The following ANKFY1 variants were observed in gnomAD, a reference collection of about 807,000 sequenced individuals.
ANKFY1 encodes ankyrin repeat and FYVE domain-containing protein 1.
In ANKFY1, 47 loss-of-function variants were observed where a neutral mutation model predicts 128.3. That is an observed-to-expected ratio of 0.37 (90% confidence interval 0.29 to 0.47). The LOEUF is 0.47. Among genes scored for constraint, ANKFY1 ranks in the 20% least tolerant of loss-of-function variants. The pLI is 1.00. For missense variants in ANKFY1, 1,222 were observed against 1,510.6 expected, an observed-to-expected ratio of 0.81 and a Z score of 3.17; for synonymous variants, 553 against 601.6, an observed-to-expected ratio of 0.92 and a Z score of 1.18.
At chr17:4,234,335 CT>C (rs1048769405) in intron 3 of ANKFY1, among the ~76,000 whole-genome samples, 1 of 152,034 alleles carries the variant, frequency 6.6e-6, no homozygotes, top group Non-Finnish European at 1.5e-5. Context: ...CTCTTTGCCC[CT>C]TTTTTTCCAA....
intron 17 of ANKFY1, 90 bp from the exon 18 acceptor site, chr17:4,179,147 G>A: frequency 7.1e-7 from 1 of 1,414,678 alleles, no homozygotes; most frequent in Non-Finnish European, 9.8e-7. Flanking sequence ...TCAAATTTCA[G>A]TTATGAGAAT....
chr17:4,223,557 C>T (rs370931791), intron 3 of ANKFY1: 31 of 1,235,626 alleles, frequency 2.5e-5, no homozygotes, highest in Middle Eastern at 3.8e-4. Context: ...TGGTTAATAA[C>T]GAGTTTTCTA....
chr17:4,225,988 C>T (rs2060418742), intron 3 of ANKFY1, among the ~76,000 whole-genome samples: 1 of 152,136 alleles, frequency 6.6e-6, no homozygotes, highest in South Asian at 2.1e-4. Flanking sequence ...GTCTCAAACT[C>T]CTAGGCTCAA....
At chr17:4,168,481 A>C (rs2059252634) in intron 24 of ANKFY1, among the ~76,000 whole-genome samples, 1 of 152,084 alleles carries the variant, frequency 6.6e-6, no homozygotes, top group Non-Finnish European at 1.5e-5. Flanking sequence ...GCAGCTCAGC[A>C]CTATCTTTTT....
Position 4,200,603 on chromosome 17 carries a change from G to T in ANKFY1, c.899-3026C>A, listed in dbSNP as rs1355379987. Among the ~76,000 whole-genome samples, 4 of 152,200 alleles carry T rather than the reference G, an allele frequency of 2.6e-5. No homozygotes were observed. The South Asian group carries it at 8.3e-4, about 31-fold the overall frequency. ...CCAGCATGCAGAACAACGTCCTAGA[G>T]TTTGATTTGCTGGTCCCATGAGAGT... On this transcript the variant is annotated intron_variant, in intron 7 of 24. Transcript: ENST00000341657.
intron 1 of ANKFY1, among the ~76,000 whole-genome samples, chr17:4,250,130 T>C (rs532747196): frequency 6.6e-6 from 1 of 152,308 alleles, no homozygotes; most frequent in South Asian, 2.1e-4. Flanking sequence ...GGCACAGTGC[T>C]GCAAGGTGCA....
intron 1 of ANKFY1, 148 bp from the exon 2 acceptor site, chr17:4,242,596 A>C: frequency 1.4e-6 from 1 of 727,938 alleles, no homozygotes; most frequent in Non-Finnish European, 2.1e-6. Flanking sequence ...CTACAGGATC[A>C]AGAATGGCTT....
intron 1 of ANKFY1, among the ~76,000 whole-genome samples, chr17:4,247,828 C>T (rs1344369481): frequency 6.6e-6 from 1 of 152,222 alleles, no homozygotes; most frequent in African/African-American, 2.4e-5. Context: ...GACTCATTCT[C>T]TTCACCTGCA....
chr17:4,199,199 C>A (rs1309360967), intron 7 of ANKFY1, among the ~76,000 whole-genome samples: 1 of 152,166 alleles, frequency 6.6e-6, no homozygotes, highest in South Asian at 2.1e-4. Flanking sequence ...CATTCTTCTT[C>A]TTATTTTTTG....
Position 4,195,044 on chromosome 17 carries a change from C to T in ANKFY1, c.1306G>A (p.Glu436Lys), listed in dbSNP as rs766836480. 5 of 1,614,182 alleles carry T rather than the reference C, an allele frequency of 3.1e-6. No homozygotes were observed. The South Asian group carries it at 4.4e-5, about 14-fold the overall frequency. Residue 436 changes from glutamate (E) to lysine (K), a missense_variant, in exon 10 of 25, where the codon GAG (glutamate) becomes AAG (lysine). By Grantham distance (56) the Glu-to-Lys change is moderately conservative. Transcript: ENST00000341657. The stretch of plus-strand genomic sequence containing the variant: ...ATGAGTCTGGCTGCAAAGCTGTTCT[C>T]ATCAAATGAAGTCCCATTTACCACG... ...VPVVNGTSFD[E>K]NSFAARLIQR... is the part of the protein sequence containing the mutation.
chr17:4,207,480 A>G (rs920806844), intron 6 of ANKFY1, among the ~76,000 whole-genome samples: 2 of 152,214 alleles, frequency 1.3e-5, no homozygotes, highest in East Asian at 3.8e-4. Flanking sequence ...TAAGCAGGAA[A>G]TGGATTCTCC....
chr17:4,209,310 G>A (rs562649561), intron 5 of ANKFY1, among the ~76,000 whole-genome samples: 8 of 152,006 alleles, frequency 5.3e-5, no homozygotes, highest in East Asian at 1.9e-4. Context: ...ATCTTTTTTG[G>A]GGGGGCGGGA....
At chr17:4,254,235 C>T (rs1438959930) in intron 1 of ANKFY1, among the ~76,000 whole-genome samples, 2 of 136,652 alleles carry the variant, frequency 1.5e-5, no homozygotes, top group African/African-American at 2.9e-5. Context: ...ACCTGGGAGG[C>T]GGAGGTTGCA....
At chr17:4,253,274 G>A (rs1967940974) in intron 1 of ANKFY1, among the ~76,000 whole-genome samples, 1 of 152,188 alleles carries the variant, frequency 6.6e-6, no homozygotes, top group African/African-American at 2.4e-5. Flanking sequence ...GCAAGAGAAA[G>A]CAAATCAGTG....
Position 4,169,060 on chromosome 17 carries a change from C to T in ANKFY1, c.3377+138G>A. 1.3e-6 allele frequency: 1 copy of T among 741,378 alleles called. No individual in the cohort carries two copies. The highest frequency in any genetic ancestry group is 2.3e-6 in the Non-Finnish European group (1 of 437,220). 45.9% of individuals were successfully genotyped at this position (741,378 alleles called of 1,614,324 possible). On this transcript the variant is annotated intron_variant, in intron 24 of 24. Coordinates refer to ENST00000341657, the MANE Select transcript of ANKFY1 (RefSeq NM_001330063.2). This position sits in a 1 kb window ranked among gnomAD's most constrained non-coding sequence, Gnocchi z 5.0. Reference sequence around the variant, plus strand: ...CAGTAGGATCCTTGGGTGTGCTCATCTCATCCCTCCATTTGGTCAAGGTTT... The same window carrying T: ...CAGTAGGATCCTTGGGTGTGCTCATTTCATCCCTCCATTTGGTCAAGGTTT...
At chr17:4,241,981 C>G (rs1186616554) in intron 2 of ANKFY1, among the ~76,000 whole-genome samples, 1 of 150,694 alleles carries the variant, frequency 6.6e-6, no homozygotes, top group Non-Finnish European at 1.5e-5. Context: ...CCCAGCCACT[C>G]GGGAGGCTGA....
At chr17:4,183,783 A>C in intron 13 of ANKFY1, 29 bp downstream of exon 13, 1 of 1,581,746 alleles carries the variant, frequency 6.3e-7, no homozygotes, top group Non-Finnish European at 8.7e-7. Context: ...GTCTGTCTGC[A>C]GACATCAGCG....
At chr17:4,249,380 A>G (rs1263966120) in intron 1 of ANKFY1, among the ~76,000 whole-genome samples, 48 of 152,224 alleles carry the variant, frequency 3.2e-4, no homozygotes, top group Admixed American at 3.1e-3. Context: ...TTTTTCTTCA[A>G]CCAGGTTAAA....
chr17:4,201,371 T>C (rs565421336), intron 7 of ANKFY1, among the ~76,000 whole-genome samples: 5 of 152,304 alleles, frequency 3.3e-5, no homozygotes, highest in Admixed American at 3.3e-4. Flanking sequence ...TGCTCTATGC[T>C]TTCTTCCAAG....
Sources: allele counts gnomAD v4.1 joint callset (sites outside exome capture counted in the v4.1 genomes callset), GRCh38; gene constraint gnomAD v4.1.1; non-coding constraint Gnocchi (gnomAD v3.1); transcripts MANE v1.5; gene names NCBI Gene and HGNC (gene_info 2026-07-23, HGNC 2026-07-21).